TANC2: variants seen among roughly 807,000 people sequenced by gnomAD.
TANC2 encodes the protein protein TANC2.
A neutral mutation model predicts 210.5 loss-of-function variants in TANC2; 26 were observed. The observed-to-expected ratio is 0.12, with a 90% CI of 0.09 to 0.17. The LOEUF is 0.17. Ranked by LOEUF, TANC2 falls within the 10% of genes least tolerant of loss-of-function variation. The pLI, the probability that TANC2 is intolerant of heterozygous loss-of-function variation, is 1.00. For missense variants in TANC2, 2,129 were observed against 2,608.9 expected (o/e 0.82, Z 4.01); for synonymous variants, 931 against 967.1 (o/e 0.96, Z 0.69).
At chr17:63,138,282 A>G (rs2039163113) in intron 4 of TANC2, among the ~76,000 whole-genome samples, 1 of 152,186 alleles carries the variant, frequency 6.6e-6, no homozygotes, top group South Asian at 2.1e-4. Flanking sequence ...AATCTATTGT[A>G]TTGGGCTACT....
intron 2 of TANC2, among the ~76,000 whole-genome samples, chr17:63,024,649 A>T (rs1261627354): frequency 1.3e-5 from 2 of 152,118 alleles, no homozygotes; most frequent in Non-Finnish European, 2.9e-5. Flanking sequence ...GTATACACAC[A>T]TTTGCGTGTG....
chr17:63,073,851 C>G, intron 2 of TANC2, 92 bp from the exon 3 acceptor site: 2 of 1,008,842 alleles, frequency 2.0e-6, no homozygotes, highest in East Asian at 2.9e-5. Context: ...AATAAATGAT[C>G]GATATAGTAG....
intron 1 of TANC2, chr17:62,967,565 GAAAC>G (rs1053244449): frequency 2.0e-5 from 3 of 152,118 alleles, no homozygotes; most frequent in African/African-American, 4.8e-5. Context: ...TCCAGGAAAA[GAAAC>G]AAACAAAACC....
At chr17:63,120,651 A>ATTTTTTGT (rs1427738970) in intron 4 of TANC2, 1 of 151,850 alleles carries the variant, frequency 6.6e-6, no homozygotes, top group Non-Finnish European at 1.5e-5. Context: ...TGTCTTTACA[A>ATTTTTTGT]AAAATACAAA....
chr17:63,019,011 G>T (rs1278813571), intron 2 of TANC2, among the ~76,000 whole-genome samples: 2 of 152,118 alleles, frequency 1.3e-5, no homozygotes, highest in Non-Finnish European at 2.9e-5. Flanking sequence ...AAATATTAGT[G>T]TACAGGGTTT....
chr17:63,011,547 A>T (rs1017674587), intron 2 of TANC2, among the ~76,000 whole-genome samples: 5 of 151,860 alleles, frequency 3.3e-5, no homozygotes, highest in African/African-American at 7.3e-5. Context: ...AATTTTTTTT[A>T]TTTCTCCTGC....
intron 9 of TANC2, among the ~76,000 whole-genome samples, chr17:63,300,892 C>G (rs2044690593): frequency 6.6e-6 from 1 of 152,136 alleles, no homozygotes; most frequent in Admixed American, 6.5e-5. Context: ...TTTGCCCATT[C>G]AGTATGATAT....
At chr17:63,325,511 C>T (rs539829294) in intron 11 of TANC2, among the ~76,000 whole-genome samples, 37 of 152,288 alleles carry the variant, frequency 2.4e-4, no homozygotes, top group African/African-American at 8.7e-4. Context: ...GTTGCCCTAG[C>T]ACCCTATGTT....
intron 7 of TANC2, among the ~76,000 whole-genome samples, chr17:63,231,967 TTTCTC>T (rs1486163862): frequency 2.6e-5 from 4 of 152,190 alleles, no homozygotes; most frequent in Admixed American, 6.5e-5. Flanking sequence ...TTCATCTTCT[TTTCTC>T]TAATCTTTTC....
chr17:63,165,235 C>T (rs1272809626), intron 5 of TANC2, among the ~76,000 whole-genome samples: 3 of 152,000 alleles, frequency 2.0e-5, no homozygotes, highest in Non-Finnish European at 4.4e-5. Context: ...GGTAGCACCA[C>T]TGCACTCCAG....
chr17:63,222,216 A>C (rs983066993), intron 7 of TANC2, among the ~76,000 whole-genome samples: 1 of 152,024 alleles, frequency 6.6e-6, no homozygotes, highest in African/African-American at 2.4e-5. Flanking sequence ...CTCAGGACCA[A>C]ATCACTTCCC....
intron 4 of TANC2, among the ~76,000 whole-genome samples, chr17:63,134,352 C>G (rs2039018737): frequency 2.6e-5 from 4 of 152,274 alleles, no homozygotes; most frequent in Admixed American, 2.6e-4. Context: ...ATTATATATG[C>G]AAGGCACTAT....
At chr17:63,204,773 C>G (rs2041646137) in intron 7 of TANC2, among the ~76,000 whole-genome samples, 2 of 152,098 alleles carry the variant, frequency 1.3e-5, no homozygotes, top group African/African-American at 4.8e-5. Flanking sequence ...CTACAGTAAT[C>G]AAAGCAGTAT....
intron 11 of TANC2, among the ~76,000 whole-genome samples, chr17:63,321,476 G>A (rs2045491368): frequency 6.6e-6 from 1 of 152,180 alleles, no homozygotes. Flanking sequence ...AAACTGATTA[G>A]AAGCTTGTGT....
intron 1 of TANC2, among the ~76,000 whole-genome samples, chr17:62,976,152 T>A (rs2031989801): frequency 6.6e-6 from 1 of 150,960 alleles, no homozygotes; most frequent in Non-Finnish European, 1.5e-5. Flanking sequence ...TTTTTATGCA[T>A]TTTTTTTGGA....
chr17:63,343,579 A>G (rs2046308316), intron 12 of TANC2, among the ~76,000 whole-genome samples: 1 of 152,236 alleles, frequency 6.6e-6, no homozygotes, highest in Non-Finnish European at 1.5e-5. Context: ...TAACCATTGA[A>G]GACATAGCAG....
chr17:63,225,973 C>T (rs2042317476), intron 7 of TANC2, among the ~76,000 whole-genome samples: 1 of 152,172 alleles, frequency 6.6e-6, no homozygotes, highest in Non-Finnish European at 1.5e-5. Flanking sequence ...ATAAATACCT[C>T]AGATATTTTC....
At chr17:63,426,274 A>G (rs146888876) in exon 28 of TANC2, 5 of 152,332 alleles carry the variant, frequency 3.3e-5, no homozygotes, top group African/African-American at 9.6e-5. Context: ...ACTAACAACA[A>G]TGAACAAAGG....
At chr17:63,400,947 C>T (rs967734794) in intron 19 of TANC2, among the ~76,000 whole-genome samples, 4 of 152,000 alleles carry the variant, frequency 2.6e-5, no homozygotes, top group African/African-American at 9.7e-5. Flanking sequence ...GCCACCGTGC[C>T]TGGCTGTAAT....
Sources: allele counts gnomAD v4.1 joint callset (sites outside exome capture counted in the v4.1 genomes callset), GRCh38; gene constraint gnomAD v4.1.1; transcripts MANE v1.5; gene names NCBI Gene and HGNC (gene_info 2026-07-23, HGNC 2026-07-21).